Variants in PARD3 observed in about 807,000 individuals in gnomAD.
PARD3 encodes par-3 family cell polarity regulator.
PARD3 carries 75 observed loss-of-function variants against 155.4 expected under a neutral mutation model. The ratio of observed to expected loss-of-function variants is 0.48; its 90% CI spans 0.40 to 0.58. The LOEUF is 0.58. Ranked by LOEUF, PARD3 falls within the 20% of genes least tolerant of loss-of-function variation. The pLI is 0.00. For missense variants in PARD3, 1,642 were observed against 1,721.7 expected (o/e 0.95, Z 0.82); for synonymous variants, 576 against 610.5 (o/e 0.94, Z 0.83).
chr10:34,527,591 A>C (rs1389913111), intron 2 of PARD3, among the ~76,000 whole-genome samples: 1 of 152,198 alleles, frequency 6.6e-6, no homozygotes, highest in Non-Finnish European at 1.5e-5. Flanking sequence ...TCAAATTAAG[A>C]TATATCAAAC....
intron 2 of PARD3, among the ~76,000 whole-genome samples, chr10:34,603,184 G>A (rs1460492620): frequency 2.0e-5 from 3 of 152,186 alleles, no homozygotes; most frequent in African/African-American, 7.2e-5. Context: ...ACCCCTGGCT[G>A]ACAGGTTGTC....
intron 2 of PARD3, among the ~76,000 whole-genome samples, chr10:34,613,716 A>AT (rs1394554674): frequency 6.6e-6 from 1 of 152,198 alleles, no homozygotes; most frequent in Non-Finnish European, 1.5e-5. Flanking sequence ...TTCCTGTAGA[A>AT]TAAAAAAAAG....
chr10:34,658,010 G>T (rs1293815199), intron 2 of PARD3, among the ~76,000 whole-genome samples: 1 of 152,048 alleles, frequency 6.6e-6, no homozygotes, highest in Non-Finnish European at 1.5e-5. Context: ...GCCGGGCGTG[G>T]TTGCAGGCAC....
chr10:34,784,678 C>A (rs936215256), intron 1 of PARD3, among the ~76,000 whole-genome samples: 2 of 152,180 alleles, frequency 1.3e-5, no homozygotes, highest in African/African-American at 2.4e-5. Context: ...CTCAAGCGAT[C>A]CGCCCGCCTC....
chr10:34,583,782 GAAAAC>G (rs975730003), intron 2 of PARD3, among the ~76,000 whole-genome samples: 3 of 152,030 alleles, frequency 2.0e-5, no homozygotes, highest in African/African-American at 7.2e-5. Context: ...AGTAAGAAAA[GAAAAC>G]AGACCATTTT....
At chr10:34,483,998 G>T (rs532484810) in intron 3 of PARD3, among the ~76,000 whole-genome samples, 4 of 152,274 alleles carry the variant, frequency 2.6e-5, no homozygotes, top group East Asian at 3.9e-4. Flanking sequence ...TCTCCGGAAG[G>T]TATATCACAG....
intron 21 of PARD3, among the ~76,000 whole-genome samples, chr10:34,281,314 C>A (rs980203512): frequency 1.3e-5 from 2 of 152,136 alleles, no homozygotes; most frequent in African/African-American, 4.8e-5. Context: ...ATGTAGCCAA[C>A]AGCATCTCTG....
chr10:34,381,697 C>T (rs1406249291), intron 9 of PARD3, among the ~76,000 whole-genome samples: 5 of 151,702 alleles, frequency 3.3e-5, no homozygotes, highest in Non-Finnish European at 5.9e-5. Flanking sequence ...TTTGGGAAGC[C>T]GAGGTAGAAG....
intron 20 of PARD3, among the ~76,000 whole-genome samples, chr10:34,296,140 C>T (rs991192209): frequency 5.3e-5 from 8 of 152,114 alleles, no homozygotes; most frequent in Non-Finnish European, 1.2e-4. Flanking sequence ...TGACTAGGTT[C>T]TTCATTTAGA....
chr10:34,191,095 G>A (rs1263535336), intron 22 of PARD3, among the ~76,000 whole-genome samples: 1 of 151,972 alleles, frequency 6.6e-6, no homozygotes, highest in Non-Finnish European at 1.5e-5. Context: ...TTTCATCAAC[G>A]GTGTGGAGAA....
chr10:34,183,403 A>G (rs1460026166), intron 22 of PARD3, among the ~76,000 whole-genome samples: 2 of 152,228 alleles, frequency 1.3e-5, no homozygotes, highest in Non-Finnish European at 2.9e-5. Flanking sequence ...ACTTCTTGAT[A>G]AGGGTTTTTC....
chr10:34,747,940 T>C (rs1399963117), intron 1 of PARD3, among the ~76,000 whole-genome samples: 2 of 152,166 alleles, frequency 1.3e-5, no homozygotes, highest in Non-Finnish European at 2.9e-5. Flanking sequence ...CCCTTGTAGC[T>C]GGGCATGGTC....
chr10:34,233,135 A>G (rs74682835), intron 22 of PARD3, among the ~76,000 whole-genome samples: 3,421 of 144,046 alleles, frequency 0.024, 100 homozygotes, highest in East Asian at 0.12. Flanking sequence ...TGCCTCCCGT[A>G]AACTCTTCAG....
At chr10:34,747,483 C>T (rs1313047458) in intron 1 of PARD3, among the ~76,000 whole-genome samples, 1 of 152,186 alleles carries the variant, frequency 6.6e-6, no homozygotes, top group Admixed American at 6.5e-5. Flanking sequence ...AAAAATGGAT[C>T]GCTAAATGCA....
intron 12 of PARD3, among the ~76,000 whole-genome samples, chr10:34,370,174 CTTTG>C (rs1264806750): frequency 7.9e-5 from 12 of 152,062 alleles, no homozygotes; most frequent in African/African-American, 2.2e-4. Context: ...ATACTTTTAA[CTTTG>C]TTTGGGAAAC....
intron 12 of PARD3, among the ~76,000 whole-genome samples, chr10:34,366,749 A>C (rs1177227006): frequency 7.5e-6 from 1 of 132,478 alleles, no homozygotes; most frequent in African/African-American, 2.5e-5. Context: ...TGGTTTTAAA[A>C]TTTTTCTTAA....
intron 2 of PARD3, among the ~76,000 whole-genome samples, chr10:34,573,264 G>A (rs1338005163): frequency 2.0e-5 from 3 of 152,180 alleles, no homozygotes; most frequent in Non-Finnish European, 2.9e-5. Context: ...GCTGAGGTTG[G>A]AGGATCACCT....
At chr10:34,191,355 T>C (rs1018795602) in intron 22 of PARD3, among the ~76,000 whole-genome samples, 1 of 152,050 alleles carries the variant, frequency 6.6e-6, no homozygotes, top group African/African-American at 2.4e-5. Context: ...CAGCTAGATG[T>C]AGTCTGTGCT....
At chr10:34,546,585 G>T (rs2133932507) in intron 2 of PARD3, among the ~76,000 whole-genome samples, 1 of 151,698 alleles carries the variant, frequency 6.6e-6, no homozygotes, top group South Asian at 2.1e-4. Context: ...ACCCGGGCTG[G>T]CCTGGCAAAT....
Sources: allele counts gnomAD v4.1 joint callset (sites outside exome capture counted in the v4.1 genomes callset), GRCh38; gene constraint gnomAD v4.1.1; transcripts MANE v1.5; gene names NCBI Gene and HGNC (gene_info 2026-07-23, HGNC 2026-07-21).